CNTNAP2: variants seen among roughly 807,000 people sequenced by gnomAD.
CNTNAP2 encodes the protein contactin-associated protein-like 2.
Under a neutral mutation model 155.2 loss-of-function variants are expected in CNTNAP2, and 98 were observed. That is an observed-to-expected ratio of 0.63 (90% confidence interval 0.54 to 0.75). The LOEUF (loss-of-function observed/expected upper bound fraction) is 0.75, where lower values mean the gene tolerates loss of function less well. Ranked by LOEUF, CNTNAP2 falls within the 30% of genes least tolerant of loss-of-function variation. The probability of loss-of-function intolerance (pLI) is 0.00; values close to 1 mark genes in which losing one functional copy is unlikely to be tolerated. For synonymous variants in CNTNAP2, 651 were observed against 631.2 expected (o/e 1.03, Z -0.47); for missense variants, 1,727 against 1,688.1 (o/e 1.02, Z -0.40).
intron 8 of CNTNAP2, among the ~76,000 whole-genome samples, chr7:147,283,848 G>T (rs1382787052): frequency 6.6e-6 from 1 of 151,868 alleles, no homozygotes; most frequent in African/African-American, 2.4e-5. Flanking sequence ...CCTGGTAAAA[G>T]ATCTTAGTTC....
At chr7:148,392,293 C>T (rs997649595) in intron 22 of CNTNAP2, among the ~76,000 whole-genome samples, 2 of 140,870 alleles carry the variant, frequency 1.4e-5, no homozygotes, top group African/African-American at 5.6e-5. Context: ...AGGATGGTCT[C>T]GATCTCTTGA....
In CNTNAP2 at chr7:146,942,070, C is replaced by A. The variant is rs150223578; in HGVS notation, c.403-101837C>A. On this transcript the variant is annotated intron_variant, in intron 3 of 23. Transcript: ENST00000361727. The stretch of plus-strand genomic sequence containing the variant: ...TTTGGAAATGTTTCTGCTCCTATTT[C>A]TTTAAATATGCTTTCTATTCTTTTA... Among the ~76,000 whole-genome samples, 593 of 152,104 alleles carry A rather than the reference C, an allele frequency of 3.9e-3. 6 individuals carry two copies. Among genetic ancestry groups the A allele is most frequent in the African/African-American group, 0.013 (544 of 41,534 alleles).
At chr7:147,031,624 A>T (rs558262348) in intron 3 of CNTNAP2, among the ~76,000 whole-genome samples, 3 of 152,362 alleles carry the variant, frequency 2.0e-5, no homozygotes, top group Admixed American at 2.0e-4. Flanking sequence ...AAGTTCAAGA[A>T]AAGTCACAAT....
At chr7:146,280,511 G>A (rs539846044) in intron 1 of CNTNAP2, among the ~76,000 whole-genome samples, 1 of 151,950 alleles carries the variant, frequency 6.6e-6, no homozygotes, top group Admixed American at 6.6e-5. Context: ...GCACTTGGCC[G>A]CTCCTATCTT....
At chr7:146,562,765 T>C (rs2129144591) in intron 1 of CNTNAP2, among the ~76,000 whole-genome samples, 1 of 152,304 alleles carries the variant, frequency 6.6e-6, no homozygotes, top group Non-Finnish European at 1.5e-5. Context: ...TGGCTAAAAT[T>C]GAATTTAAAT....
At chr7:147,622,550 A>G (rs1794879995) in intron 12 of CNTNAP2, among the ~76,000 whole-genome samples, 1 of 152,082 alleles carries the variant, frequency 6.6e-6, no homozygotes, top group Non-Finnish European at 1.5e-5. Flanking sequence ...CAATGAATAA[A>G]TTAAGAAGGA....
intron 13 of CNTNAP2, among the ~76,000 whole-genome samples, chr7:147,666,719 C>T (rs1795702346): frequency 6.6e-6 from 1 of 152,132 alleles, no homozygotes; most frequent in Non-Finnish European, 1.5e-5. Flanking sequence ...CCTTAATCAT[C>T]AAAATTCATG....
At chr7:146,954,885 C>A (rs963444066) in intron 3 of CNTNAP2, among the ~76,000 whole-genome samples, 5 of 151,886 alleles carry the variant, frequency 3.3e-5, no homozygotes, top group African/African-American at 1.2e-4. Context: ...AATTATTCCA[C>A]ATTTCTTCAC....
intron 10 of CNTNAP2, among the ~76,000 whole-genome samples, chr7:147,471,437 A>T (rs1175270742): frequency 6.6e-6 from 1 of 152,178 alleles, no homozygotes; most frequent in Non-Finnish European, 1.5e-5. Context: ...CACATGGAAA[A>T]ATCTGAAATA....
chr7:147,240,575 G>GCT (rs1384955393), intron 8 of CNTNAP2, among the ~76,000 whole-genome samples: 2 of 152,182 alleles, frequency 1.3e-5, no homozygotes, highest in Non-Finnish European at 2.9e-5. Flanking sequence ...GTTTGACTCA[G>GCT]CTGTCTATCT....
intron 21 of CNTNAP2, among the ~76,000 whole-genome samples, chr7:148,316,260 G>A (rs1444437759): frequency 1.3e-5 from 2 of 151,884 alleles, no homozygotes; most frequent in African/African-American, 2.4e-5. Context: ...AATGGGTGCA[G>A]CACACCAACA....
chr7:146,216,182 C>T (rs1799109750), intron 1 of CNTNAP2, among the ~76,000 whole-genome samples: 1 of 152,098 alleles, frequency 6.6e-6, no homozygotes, highest in South Asian at 2.1e-4. Flanking sequence ...AATGAGTCTT[C>T]AGGGACAGGA....
chr7:148,240,895 A>T (rs1005050501), intron 20 of CNTNAP2, among the ~76,000 whole-genome samples: 1 of 152,184 alleles, frequency 6.6e-6, no homozygotes, highest in Non-Finnish European at 1.5e-5. Context: ...CAGCCAGTCC[A>T]GTCCTTCCAC....
At chr7:148,167,297 G>A (rs1284889690) in intron 17 of CNTNAP2, among the ~76,000 whole-genome samples, 13 of 151,936 alleles carry the variant, frequency 8.6e-5, no homozygotes, top group Admixed American at 2.0e-4. Context: ...ATGCCACCAC[G>A]CCTGGCTAAT....
In CNTNAP2 at chr7:148,227,213, G is replaced by A. The variant is rs140766045; in HGVS notation, c.3248-2433G>A. Among the ~76,000 whole-genome samples, 19 of 152,302 alleles carry A rather than the reference G, an allele frequency of 1.2e-4. No individual in the cohort carries two copies. In the East Asian group the frequency reaches 3.7e-3, roughly 29 times the overall value. ...GAGGTGAATGAATTCTGTGCCGAGT[G>A]AAGATGAGGCCTGAGAGGGACAATT... On this transcript the variant is annotated intron_variant, in intron 19 of 23. Coordinates refer to ENST00000361727, the MANE Select transcript of CNTNAP2 (RefSeq NM_014141.6).
chr7:147,548,413 A>G (rs1799784830), intron 11 of CNTNAP2, among the ~76,000 whole-genome samples: 1 of 152,110 alleles, frequency 6.6e-6, no homozygotes, highest in African/African-American at 2.4e-5. Flanking sequence ...TCTTTTGAAA[A>G]GTGTCTGTTC....
At chr7:146,226,894 A>G (rs1799300809) in intron 1 of CNTNAP2, among the ~76,000 whole-genome samples, 1 of 152,212 alleles carries the variant, frequency 6.6e-6, no homozygotes. Flanking sequence ...TTTAAAAATC[A>G]TAACCACATG....
At chr7:146,656,255 G>A (rs1054109468) in intron 1 of CNTNAP2, among the ~76,000 whole-genome samples, 2 of 152,066 alleles carry the variant, frequency 1.3e-5, no homozygotes, top group Admixed American at 6.6e-5. Context: ...ACACACACTC[G>A]TTCTGCATTC....
Position 148,224,239 on chromosome 7 carries a change from C to T in CNTNAP2, c.3248-5407C>T, listed in dbSNP as rs548523499. Among the ~76,000 whole-genome samples the T allele has an allele frequency of 2.0e-5, 3 of 152,180 alleles. No homozygotes were observed. The East Asian group carries it at 5.8e-4, about 29-fold the overall frequency. Reference sequence around the variant, plus strand: ...GAGAGTAAAAACCTAAGACAATCAACGTGTTTTTTCTGCGTGTTGCCAAAC... The same window carrying T: ...GAGAGTAAAAACCTAAGACAATCAATGTGTTTTTTCTGCGTGTTGCCAAAC... On this transcript the variant is annotated intron_variant, in intron 19 of 23. Coordinates refer to ENST00000361727, the MANE Select transcript of CNTNAP2 (RefSeq NM_014141.6).
Sources: allele counts gnomAD v4.1 joint callset (sites outside exome capture counted in the v4.1 genomes callset), GRCh38; gene constraint gnomAD v4.1.1; transcripts MANE v1.5; gene names NCBI Gene and HGNC (gene_info 2026-07-23, HGNC 2026-07-21).